PDLIM5: variants seen among roughly 807,000 people sequenced by gnomAD.
PDLIM5 encodes PDZ and LIM domain 5.
Under a neutral mutation model 64.2 loss-of-function variants are expected in PDLIM5, and 34 were observed. The ratio of observed to expected loss-of-function variants is 0.53; its 90% CI spans 0.40 to 0.71. PDLIM5 has a LOEUF of 0.71. Ranked by LOEUF, PDLIM5 falls within the 30% of genes least tolerant of loss-of-function variation. The pLI is 0.00. For synonymous variants in PDLIM5, 253 were observed against 269.1 expected (o/e 0.94, Z 0.59); for missense variants, 683 against 733.6 (o/e 0.93, Z 0.80).
chr4:94,452,593 A>C (rs1048122173), intron 1 of PDLIM5, among the ~76,000 whole-genome samples: 1 of 152,250 alleles, frequency 6.6e-6, no homozygotes, highest in African/African-American at 2.4e-5. Context: ...CACATTTGTC[A>C]TGAACACGAG....
At chr4:94,550,929 A>G (rs1449859845) in intron 3 of PDLIM5, among the ~76,000 whole-genome samples, 2 of 152,164 alleles carry the variant, frequency 1.3e-5, no homozygotes, top group South Asian at 2.1e-4. Context: ...AATTAAATAG[A>G]TACAGAAAGA....
chr4:94,589,771 T>C (rs1023255822), intron 7 of PDLIM5, among the ~76,000 whole-genome samples: 2 of 151,500 alleles, frequency 1.3e-5, no homozygotes, highest in African/African-American at 4.9e-5. Flanking sequence ...CTTTTCCTTC[T>C]TTCTTTCCTT....
chr4:94,512,524 G>A (rs1018066311), intron 2 of PDLIM5, among the ~76,000 whole-genome samples: 1 of 152,122 alleles, frequency 6.6e-6, no homozygotes, highest in African/African-American at 2.4e-5. Flanking sequence ...CTGATGATCA[G>A]TGTTGAGCAC....
In PDLIM5 at chr4:94,619,359, T is replaced by TC. The variant is rs577770993; in HGVS notation, c.1108+1168_1108+1169insC. On this transcript the variant is annotated intron_variant, in intron 8 of 12. Transcript: ENST00000317968. ...GTGATCTTTCTTTTTTTTCTTTTTT[T>TC]TTTTTCCACGGTGGCTCACGCCTGT... is the stretch of plus-strand genomic sequence containing the variant. Among the ~76,000 whole-genome samples the TC allele has an allele frequency of 8.6e-5, 13 of 150,724 alleles. No homozygotes were observed. The South Asian group carries it at 2.7e-3, about 32-fold the overall frequency.
intron 2 of PDLIM5, among the ~76,000 whole-genome samples, chr4:94,468,157 T>C (rs1015242698): frequency 4.6e-5 from 7 of 151,992 alleles, no homozygotes; most frequent in South Asian, 2.1e-4. Flanking sequence ...TTTCCCTCTA[T>C]GCACTTTTTT....
At chr4:94,640,799 A>G (rs552435936) in intron 9 of PDLIM5, among the ~76,000 whole-genome samples, 2 of 152,312 alleles carry the variant, frequency 1.3e-5, no homozygotes, top group Admixed American at 6.5e-5. Context: ...ATTATTCTAC[A>G]AATTATAGAA....
intron 7 of PDLIM5, among the ~76,000 whole-genome samples, chr4:94,607,107 T>G (rs754720055): frequency 1.4e-4 from 21 of 152,228 alleles, no homozygotes; most frequent in Non-Finnish European, 2.9e-4. Context: ...AGTTCTATCA[T>G]GACATTTTTC....
At chr4:94,661,009 G>A (rs972531519) in intron 11 of PDLIM5, among the ~76,000 whole-genome samples, 3 of 152,110 alleles carry the variant, frequency 2.0e-5, no homozygotes, top group Non-Finnish European at 4.4e-5. Context: ...ACTTGAACCC[G>A]AGAGGTGGAG....
At chr4:94,644,911 T>A (rs76213923) in intron 9 of PDLIM5, among the ~76,000 whole-genome samples, 2,842 of 59,066 alleles carry the variant, frequency 0.048, 45 homozygotes, top group Admixed American at 0.085. Context: ...GATATTATTC[T>A]TTTTTTTTTA....
At chr4:94,507,005 G>A (rs952804867) in intron 2 of PDLIM5, among the ~76,000 whole-genome samples, 8 of 152,020 alleles carry the variant, frequency 5.3e-5, no homozygotes, top group Admixed American at 3.3e-4. Context: ...CAGGTTCTTC[G>A]GCCTTTGGAC....
At chr4:94,523,025 G>A (rs1729966664) in intron 2 of PDLIM5, among the ~76,000 whole-genome samples, 1 of 152,158 alleles carries the variant, frequency 6.6e-6, no homozygotes, top group Non-Finnish European at 1.5e-5. Context: ...ATTTGAAGGA[G>A]ATCAGACTAA....
At chr4:94,629,100 C>T (rs1177358739) in intron 8 of PDLIM5, among the ~76,000 whole-genome samples, 1 of 152,098 alleles carries the variant, frequency 6.6e-6, no homozygotes, top group African/African-American at 2.4e-5. Flanking sequence ...CCTGTAATCC[C>T]AGCACTTTGG....
intron 11 of PDLIM5, among the ~76,000 whole-genome samples, chr4:94,657,963 C>T (rs181529810): frequency 2.0e-4 from 30 of 152,202 alleles, no homozygotes; most frequent in East Asian, 1.2e-3. Context: ...CCCAAAGTGC[C>T]GGGATTACAG....
chr4:94,604,517 C>G (rs745594219), intron 7 of PDLIM5, among the ~76,000 whole-genome samples: 6 of 152,116 alleles, frequency 3.9e-5, no homozygotes, highest in Admixed American at 3.9e-4. Context: ...ACCTGTAGTC[C>G]CAGCTATTCA....
chr4:94,663,854 A>G lies in PDLIM5; in HGVS notation c.1702-124A>G, dbSNP rs535785135. ...AATATTAGGGAGTCTAACTTAACCA[A>G]CTAAAGTGTTTTGTCATATTATCCA... On this transcript the variant is annotated intron_variant, in intron 12 of 12. Transcript: ENST00000317968. The G allele has an allele frequency of 7.2e-6, 6 of 831,264 alleles. No individual in the cohort carries two copies. In the Admixed American group the frequency reaches 1.6e-4, roughly 22 times the overall value. The allele number at this position is 831,264 out of a possible 1,614,324, so 51.5% of individuals were successfully genotyped here.
intron 3 of PDLIM5, among the ~76,000 whole-genome samples, chr4:94,532,209 C>A (rs1301575437): frequency 1.3e-5 from 2 of 152,166 alleles, no homozygotes; most frequent in African/African-American, 4.8e-5. Context: ...ACAGCAGTTA[C>A]TACTGTTACT....
At chr4:94,478,890 GTTTTTTTTTTTT>G (rs67013211) in intron 2 of PDLIM5, among the ~76,000 whole-genome samples, 1 of 94,084 alleles carries the variant, frequency 1.1e-5, no homozygotes, top group African/African-American at 4.5e-5. Flanking sequence ...TGTGCTTGGT[GTTTTTTTTTTTT>G]TTTTTTTTTT....
chr4:94,508,145 C>T (rs1728556150), intron 2 of PDLIM5, among the ~76,000 whole-genome samples: 2 of 152,080 alleles, frequency 1.3e-5, no homozygotes, highest in South Asian at 2.1e-4. Flanking sequence ...AGAACATTTC[C>T]TTTCCATTTC....
At chr4:94,548,691 A>C (rs955177771) in intron 3 of PDLIM5, among the ~76,000 whole-genome samples, 11 of 152,276 alleles carry the variant, frequency 7.2e-5, no homozygotes, top group African/African-American at 1.9e-4. Context: ...TACTTTAAAA[A>C]CATGTTAGGA....
Sources: gnomAD v4.1 joint callset for allele counts (sites outside exome capture counted in the v4.1 genomes callset) on GRCh38, gnomAD v4.1.1 for gene constraint, MANE v1.5 for transcripts, NCBI Gene and HGNC (gene_info 2026-07-23, HGNC 2026-07-21) for gene names.